KATNA1: variants seen among roughly 807,000 people sequenced by gnomAD.
KATNA1 encodes katanin catalytic subunit A1.
Under a neutral mutation model 62.6 loss-of-function variants are expected in KATNA1, and 42 were observed. The ratio of observed to expected loss-of-function variants is 0.67; its 90% confidence interval spans 0.52 to 0.87. KATNA1 has a LOEUF of 0.87. Among genes scored for constraint, KATNA1 ranks in the 40% least tolerant of loss-of-function variants. The pLI, the probability that KATNA1 is intolerant of heterozygous loss-of-function variation, is 0.00. For missense variants in KATNA1, 498 were observed against 612.5 expected (o/e 0.81, Z 1.97); for synonymous variants, 186 against 201.9 (o/e 0.92, Z 0.67).
chr6:149,635,041 C>T (rs773520611), intron 2 of KATNA1, among the ~76,000 whole-genome samples: 31 of 150,574 alleles, frequency 2.1e-4, no homozygotes, highest in Admixed American at 3.3e-4. Flanking sequence ...TAAGGCTCCA[C>T]CTCAAAAATA....
At chr6:149,635,236 C>T (rs532276599) in intron 2 of KATNA1, among the ~76,000 whole-genome samples, 96 of 152,112 alleles carry the variant, frequency 6.3e-4, no homozygotes, top group African/African-American at 2.3e-3. Context: ...ATGATTGCAC[C>T]ACCATACTCC....
intron 4 of KATNA1, among the ~76,000 whole-genome samples, chr6:149,618,702 A>G (rs2115114289): frequency 6.6e-6 from 1 of 152,298 alleles, no homozygotes; most frequent in South Asian, 2.1e-4. Flanking sequence ...GATTTTCAAC[A>G]AAAGCACCAA....
At chr6:149,624,862 C>T (rs950971157) in intron 3 of KATNA1, among the ~76,000 whole-genome samples, 2 of 150,284 alleles carry the variant, frequency 1.3e-5, no homozygotes, top group Admixed American at 1.3e-4. Flanking sequence ...AAGCTAGGCA[C>T]GTATACTAGA....
intron 1 of KATNA1, among the ~76,000 whole-genome samples, chr6:149,641,550 A>G (rs886506765): frequency 6.6e-6 from 1 of 152,194 alleles, no homozygotes; most frequent in Admixed American, 6.6e-5. Flanking sequence ...TCCAGAAAAC[A>G]AGAGAAAAGC....
chr6:149,619,645 T>G (rs9322196), intron 4 of KATNA1, among the ~76,000 whole-genome samples: 68,284 of 151,370 alleles, frequency 0.45, 16,486 homozygotes, highest in East Asian at 0.81. Flanking sequence ...TAACAAATGC[T>G]GGTGAGGATT....
At chr6:149,615,713 G>A (rs1191422685) in intron 4 of KATNA1, among the ~76,000 whole-genome samples, 1 of 152,072 alleles carries the variant, frequency 6.6e-6, no homozygotes, top group Non-Finnish European at 1.5e-5. Flanking sequence ...GAACTCAGGA[G>A]TTTGAGGCTT....
At chr6:149,646,301 A>C (rs1228158339) in intron 1 of KATNA1, among the ~76,000 whole-genome samples, 2 of 152,212 alleles carry the variant, frequency 1.3e-5, no homozygotes, top group African/African-American at 4.8e-5. Flanking sequence ...CAGACTAAAA[A>C]ATCAGCAGCA....
intron 4 of KATNA1, among the ~76,000 whole-genome samples, chr6:149,621,941 G>A (rs1450901064): frequency 6.6e-6 from 1 of 152,168 alleles, no homozygotes; most frequent in Non-Finnish European, 1.5e-5. Flanking sequence ...ATTAAAAGGG[G>A]CTAAAGAAAC....
chr6:149,641,424 C>G (rs1253481022), intron 1 of KATNA1, among the ~76,000 whole-genome samples: 1 of 151,874 alleles, frequency 6.6e-6, no homozygotes, highest in African/African-American at 2.4e-5. Context: ...GATCTACCCG[C>G]CTAGGCCTCC....
At chr6:149,636,733 T>C (rs1780078142) in intron 2 of KATNA1, among the ~76,000 whole-genome samples, 1 of 151,802 alleles carries the variant, frequency 6.6e-6, no homozygotes, top group Non-Finnish European at 1.5e-5. Flanking sequence ...CTCTGCCTTC[T>C]GATATCAAGT....
chr6:149,622,846 C>T (rs1031588702), intron 4 of KATNA1, among the ~76,000 whole-genome samples: 14 of 11,324 alleles, frequency 1.2e-3, no homozygotes, highest in Non-Finnish European at 1.7e-3. Flanking sequence ...CCCATCTTTA[C>T]TAATAATACA....
chr6:149,608,518 T>C (rs1562284185), intron 4 of KATNA1, among the ~76,000 whole-genome samples: 1 of 152,110 alleles, frequency 6.6e-6, no homozygotes, highest in South Asian at 2.1e-4. Flanking sequence ...CACCAAAGAC[T>C]TGTGGCCCCG....
chr6:149,638,744 T>G (rs1265521346), intron 1 of KATNA1, among the ~76,000 whole-genome samples, 184 bp from the exon 2 acceptor site: 3 of 141,758 alleles, frequency 2.1e-5, no homozygotes, highest in Non-Finnish European at 4.6e-5. Flanking sequence ...TTTTTTTTTT[T>G]TTTTTTTTTT....
rs145952008 is a variant in KATNA1, at chr6:149,641,441, G to A, written c.-13-2881C>T. ...TCTACCCGCCTAGGCCTCCCAGAGT[G>A]CTGGGATTACAGGTGTGAGCCACAG... On this transcript the variant is annotated intron_variant, in intron 1 of 10. Coordinates refer to ENST00000367411, the MANE Select transcript of KATNA1 (RefSeq NM_007044.4). Among the ~76,000 whole-genome samples the A allele has an allele frequency of 4.5e-3, 690 of 152,026 alleles. 4 individuals carry two copies. Among genetic ancestry groups the A allele is most frequent in the African/African-American group, 0.016 (658 of 41,468 alleles).
In KATNA1 at chr6:149,597,530, C is replaced by T. The variant is rs1180618309; in HGVS notation, c.1127G>A (p.Arg376Gln). 6.2e-7 allele frequency: 1 copy of T among 1,614,022 alleles called. No homozygotes were observed. Among genetic ancestry groups the T allele is most frequent in the Non-Finnish European group, 8.5e-7 (1 of 1,179,952 alleles). The stretch of plus-strand genomic sequence containing the variant: ...ACCTGACGGCAAAGGAATATAGATT[C>T]GTTTCTCAAGGCGTCGTCTTAAAGC... ...DEALRRRLEK[R>Q]IYIPLPSAKG... The change falls in exon 9 of 11, where the codon CGA becomes CAA. Residue 376 changes from arginine (R) to glutamine (Q), a missense_variant. By Grantham distance (43) the Arg-to-Gln change is conservative. Transcript: ENST00000367411.
chr6:149,604,573 T>A (rs889636127), intron 5 of KATNA1, 88 bp downstream of exon 5: 25 of 1,378,100 alleles, frequency 1.8e-5, no homozygotes, highest in Admixed American at 1.6e-4. Context: ...CCTCAAGCTC[T>A]GCTCTTCAGT....
intron 3 of KATNA1, among the ~76,000 whole-genome samples, chr6:149,626,528 C>T (rs886804526): frequency 3.4e-5 from 5 of 148,776 alleles, no homozygotes; most frequent in Non-Finnish European, 5.9e-5. Context: ...GTGATCCGCC[C>T]GCCTCGGCCT....
At chr6:149,610,031 G>A (rs1180298018) in intron 4 of KATNA1, among the ~76,000 whole-genome samples, 10 of 146,952 alleles carry the variant, frequency 6.8e-5, no homozygotes, top group Non-Finnish European at 1.5e-4. Context: ...TCCAGGAGGT[G>A]AAGGTTGTGG....
chr6:149,638,296 C>A, intron 2 of KATNA1, 90 bp downstream of exon 2: 2 of 1,215,778 alleles, frequency 1.6e-6, no homozygotes, highest in Non-Finnish European at 2.4e-6. Context: ...ACAGTCTTAA[C>A]ATGTAACTAC....
Sources: gnomAD v4.1 joint callset for allele counts (sites outside exome capture counted in the v4.1 genomes callset) on GRCh38, gnomAD v4.1.1 for gene constraint, MANE v1.5 for transcripts, NCBI Gene and HGNC (gene_info 2026-07-23, HGNC 2026-07-21) for gene names.